The following MALRD1 variants were observed in gnomAD, a reference collection of about 807,000 sequenced individuals.
MALRD1 encodes the protein MAM and LDL-receptor class A domain-containing protein 1.
In MALRD1, 247 loss-of-function variants were observed where a neutral mutation model predicts 242.1. That is an observed-to-expected ratio of 1.02 (90% CI 0.92 to 1.13). The LOEUF is 1.13. MALRD1 is among the 50% of genes most tolerant of loss of function. MALRD1 has a pLI of 0.00. For synonymous variants in MALRD1, 995 were observed against 866.6 expected (o/e 1.15, Z -2.60); for missense variants, 2,989 against 2,533.1 (o/e 1.18, Z -3.86).
intron 32 of MALRD1, among the ~76,000 whole-genome samples, chr10:19,557,218 A>C (rs2131424939): frequency 6.6e-6 from 1 of 152,058 alleles, no homozygotes; most frequent in African/African-American, 2.4e-5. Flanking sequence ...GTGTTTTAGA[A>C]TATTTTCTTT....
chr10:19,281,710 G>T (rs369030918), intron 20 of MALRD1, among the ~76,000 whole-genome samples: 3 of 152,134 alleles, frequency 2.0e-5, no homozygotes, highest in Admixed American at 2.0e-4. Flanking sequence ...AGTGGCTCAC[G>T]CCTGTAATCA....
intron 3 of MALRD1, 45 bp downstream of exon 3, chr10:19,087,979 G>A: frequency 8.1e-7 from 1 of 1,232,542 alleles, no homozygotes. Flanking sequence ...TCACATTTGG[G>A]GACTTCTTTA....
At chr10:19,150,374 G>A (rs1032651352) in intron 11 of MALRD1, among the ~76,000 whole-genome samples, 1 of 151,892 alleles carries the variant, frequency 6.6e-6, no homozygotes, top group African/African-American at 2.4e-5. Flanking sequence ...GCACACGATC[G>A]GTCCTTACAT....
At chr10:19,060,290 C>T (rs1487194186) in intron 1 of MALRD1, among the ~76,000 whole-genome samples, 1 of 152,182 alleles carries the variant, frequency 6.6e-6, no homozygotes, top group Non-Finnish European at 1.5e-5. Flanking sequence ...TTCCTCTGTG[C>T]CGGTGTTTCT....
intron 19 of MALRD1, among the ~76,000 whole-genome samples, chr10:19,275,894 G>A (rs1021854316): frequency 6.6e-6 from 1 of 152,112 alleles, no homozygotes; most frequent in African/African-American, 2.4e-5. Context: ...ACAGCAATGT[G>A]AAGAATAGGA....
At chr10:19,572,413 G>T (rs1372676373) in intron 33 of MALRD1, among the ~76,000 whole-genome samples, 2 of 152,174 alleles carry the variant, frequency 1.3e-5, no homozygotes, top group African/African-American at 4.8e-5. Flanking sequence ...AAAACTATAT[G>T]CGAGGTTGTA....
At chr10:19,269,903 A>G (rs1840131646) in intron 19 of MALRD1, among the ~76,000 whole-genome samples, 3 of 152,216 alleles carry the variant, frequency 2.0e-5, no homozygotes, top group Admixed American at 2.0e-4. Flanking sequence ...AATTGTCTCT[A>G]CTTTTCCTCA....
chr10:19,509,387 A>T (rs767776325), intron 31 of MALRD1, among the ~76,000 whole-genome samples: 8 of 152,152 alleles, frequency 5.3e-5, no homozygotes, highest in Non-Finnish European at 1.2e-4. Context: ...TTTGTCTTTT[A>T]TACTCCTAAA....
intron 36 of MALRD1, among the ~76,000 whole-genome samples, chr10:19,686,677 G>A (rs1842597108): frequency 6.6e-6 from 1 of 152,124 alleles, no homozygotes; most frequent in Non-Finnish European, 1.5e-5. Flanking sequence ...TGGTGGAGGG[G>A]TGCCTTCTCC....
chr10:19,200,620 T>C (rs1420011728), intron 14 of MALRD1, among the ~76,000 whole-genome samples: 2 of 150,056 alleles, frequency 1.3e-5, no homozygotes, highest in African/African-American at 2.4e-5. Flanking sequence ...ATTCTGGGCT[T>C]TTTTTTTCTC....
intron 21 of MALRD1, among the ~76,000 whole-genome samples, chr10:19,285,623 G>C (rs929761608): frequency 6.7e-6 from 1 of 148,626 alleles, no homozygotes; most frequent in African/African-American, 2.5e-5. Flanking sequence ...TCTCTGTTTT[G>C]GTACCAGTAC....
intron 2 of MALRD1, among the ~76,000 whole-genome samples, chr10:19,084,931 T>A (rs1291848222): frequency 6.6e-6 from 1 of 152,082 alleles, no homozygotes; most frequent in Non-Finnish European, 1.5e-5. Context: ...AAAGACATTA[T>A]GCATTGACTT....
chr10:19,498,781 C>T, intron 31 of MALRD1, 135 bp downstream of exon 31: 1 of 1,021,680 alleles, frequency 9.8e-7, no homozygotes, highest in Non-Finnish European at 1.4e-6. Context: ...GGAAAGAGGG[C>T]TAGTCTCTTC....
intron 38 of MALRD1, among the ~76,000 whole-genome samples, chr10:19,705,620 C>T (rs1321558079): frequency 2.0e-5 from 3 of 151,960 alleles, no homozygotes; most frequent in African/African-American, 7.3e-5. Context: ...CCCTTAAAAA[C>T]AGGGTTAGGC....
In MALRD1 at chr10:19,489,547, C is replaced by T. The variant is rs1209805837; in HGVS notation, c.5030-1970C>T. The T allele has an allele frequency of 4.8e-6, 3 of 623,994 alleles. No homozygotes were observed. The Admixed American group carries it at 7.3e-5, about 15-fold the overall frequency. The allele number at this position is 623,994 out of a possible 1,614,324, so 38.7% of individuals were successfully genotyped here. A position where few individuals can be genotyped will look rare whatever the true frequency, so the allele number is the denominator to read the frequency against. ...TAAGAAGGAGGGAATCCCATCTCAT[C>T]CTATTTTTTAAGTGTAAATGCTTTT... On this transcript the variant is annotated intron_variant, in intron 29 of 39. Coordinates refer to ENST00000454679, the MANE Select transcript of MALRD1 (RefSeq NM_001142308.3).
At chr10:19,585,236 A>G (rs1837328499) in intron 33 of MALRD1, among the ~76,000 whole-genome samples, 1 of 151,270 alleles carries the variant, frequency 6.6e-6, no homozygotes, top group Non-Finnish European at 1.5e-5. Flanking sequence ...TTTAAAGTTA[A>G]TATTGTTATG....
chr10:19,156,582 T>C (rs766038466), intron 12 of MALRD1, among the ~76,000 whole-genome samples: 1 of 151,626 alleles, frequency 6.6e-6, no homozygotes, highest in Non-Finnish European at 1.5e-5. Context: ...GTTAGATATA[T>C]AGAAAAAATT....
chr10:19,501,271 T>C (rs189195165), intron 31 of MALRD1, among the ~76,000 whole-genome samples: 346 of 152,312 alleles, frequency 2.3e-3, no homozygotes, highest in Middle Eastern at 6.8e-3. Flanking sequence ...GTTTGACCTG[T>C]GCATTTGTAA....
chr10:19,129,924 G>C (rs1237213629), intron 8 of MALRD1, among the ~76,000 whole-genome samples: 1 of 147,936 alleles, frequency 6.8e-6, no homozygotes, highest in Non-Finnish European at 1.5e-5. Context: ...CATATCTGTA[G>C]ATATGTGGAT....
Sources: gnomAD v4.1 joint callset for allele counts (sites outside exome capture counted in the v4.1 genomes callset) on GRCh38, gnomAD v4.1.1 for gene constraint, MANE v1.5 for transcripts, NCBI Gene and HGNC (gene_info 2026-07-23, HGNC 2026-07-21) for gene names.